Variants in SNRPA1 observed in about 807,000 individuals in gnomAD.
SNRPA1 encodes the protein U2 small nuclear ribonucleoprotein A'.
Under a neutral mutation model 32.3 loss-of-function variants are expected in SNRPA1, and 5 were observed. The observed-to-expected ratio is 0.15, with a 90% CI of 0.08 to 0.33. SNRPA1 has a LOEUF of 0.33. SNRPA1 is among the 10% of genes least tolerant of loss of function. The pLI is 1.00. For missense variants in SNRPA1, 198 were observed against 311.1 expected (o/e 0.64, Z 2.74); for synonymous variants, 111 against 120.1 (o/e 0.92, Z 0.50).
At chr15:101,285,105 A>C (rs1017084686) in intron 7 of SNRPA1, 45 bp from the exon 8 acceptor site, 5 of 1,352,926 alleles carry the variant, frequency 3.7e-6, no homozygotes, top group Non-Finnish European at 5.3e-6. Flanking sequence ...ACTTCAACCA[A>C]GTATCAGCTA....
At chr15:101,292,898 TAAAAAA>T in intron 2 of SNRPA1, 121 bp downstream of exon 2, 1 of 539,732 alleles carries the variant, frequency 1.9e-6, no homozygotes, top group Non-Finnish European at 3.0e-6. Flanking sequence ...AAAATATAAA[TAAAAAA>T]GAAAAAGAAA....
intron 5 of SNRPA1, 35 bp downstream of exon 5, chr15:101,286,873 C>G: frequency 2.7e-6 from 3 of 1,097,854 alleles, no homozygotes; most frequent in Non-Finnish European, 4.2e-6. Flanking sequence ...ACACACAACT[C>G]TATAATGGCT....
chr15:101,284,230 C>G (rs4965817), intron 8 of SNRPA1, among the ~76,000 whole-genome samples: 10,417 of 152,240 alleles, frequency 0.068, 736 homozygotes, highest in East Asian at 0.34. Flanking sequence ...TTGAGGTTTG[C>G]TACTATTGTT....
At chr15:101,289,004 A>G (rs75003262) in intron 3 of SNRPA1, among the ~76,000 whole-genome samples, 1 of 152,220 alleles carries the variant, frequency 6.6e-6, no homozygotes, top group Non-Finnish European at 1.5e-5. Flanking sequence ...AAGAGGCACA[A>G]TGAGAAAAAA....
At chr15:101,286,434 G>T in intron 5 of SNRPA1, 141 bp from the exon 6 acceptor site, 1 of 632,622 alleles carries the variant, frequency 1.6e-6, no homozygotes. Context: ...CAAATTAAGA[G>T]AAGACACAGT....
intron 1 of SNRPA1, 152 bp downstream of exon 1, chr15:101,294,945 G>C (rs960711631): frequency 2.0e-6 from 1 of 495,116 alleles, no homozygotes. Flanking sequence ...ACAACGGCAA[G>C]AATCAGGCCC....
At chr15:101,288,971 G>A (rs2039488401) in intron 3 of SNRPA1, among the ~76,000 whole-genome samples, 1 of 152,202 alleles carries the variant, frequency 6.6e-6, no homozygotes, top group African/African-American at 2.4e-5. Flanking sequence ...TGGGTAGATG[G>A]TGGGGAAGGG....
intron 8 of SNRPA1, among the ~76,000 whole-genome samples, chr15:101,283,199 C>A (rs200938899): frequency 6.6e-6 from 1 of 152,206 alleles, no homozygotes; most frequent in East Asian, 1.9e-4. Flanking sequence ...CCCACTATTG[C>A]TCCATCAGTG....
chr15:101,284,409 G>C (rs1190997845), intron 8 of SNRPA1, among the ~76,000 whole-genome samples: 2 of 152,072 alleles, frequency 1.3e-5, no homozygotes, highest in Admixed American at 6.6e-5. Flanking sequence ...CATGGCTATC[G>C]CTAGTGTTCG....
intron 1 of SNRPA1, 108 bp downstream of exon 1, chr15:101,294,989 C>A: frequency 4.5e-6 from 3 of 672,622 alleles, no homozygotes; most frequent in Non-Finnish European, 6.9e-6. Flanking sequence ...GGAGCCCAGA[C>A]AACCGGCCCG....
chr15:101,285,792 T>G lies in SNRPA1; in HGVS notation c.549A>C (p.Pro183=). The G allele has an allele frequency of 6.2e-7, 1 of 1,613,272 alleles. No homozygotes were observed. Among genetic ancestry groups the G allele is most frequent in the Non-Finnish European group, 8.5e-7 (1 of 1,179,528 alleles). Reference sequence around the variant, plus strand: ...TTTTGTCAGTTGGCAAACCAGCACCTGGATTAAAACTTAAGAGGGGGAAGA... The same window carrying G: ...TTTTGTCAGTTGGCAAACCAGCACCGGGATTAAAACTTAAGAGGGGGAAGA... ...DIARRSKTFN[P]GAGLPTDKKK... is the part of the protein sequence containing the mutation. The change falls in exon 7 of 9, where the codon CCA becomes CCC. Residue 183 remains proline, a synonymous_variant. Transcript: ENST00000254193.
At chr15:101,286,566 GA>G in intron 5 of SNRPA1, 2 of 484,214 alleles carry the variant, frequency 4.1e-6, no homozygotes, top group Non-Finnish European at 7.3e-6. Context: ...CTAATAAAGG[GA>G]AAAATCATCC....
chr15:101,284,566 G>C (rs537759685), intron 8 of SNRPA1, among the ~76,000 whole-genome samples: 8 of 149,582 alleles, frequency 5.3e-5, no homozygotes, highest in African/African-American at 1.5e-4. Flanking sequence ...ACAAAAGTGC[G>C]ATCTCGGCTC....
chr15:101,284,571 C>T (rs549520294), intron 8 of SNRPA1, among the ~76,000 whole-genome samples: 23 of 150,112 alleles, frequency 1.5e-4, no homozygotes, highest in African/African-American at 2.2e-4. Flanking sequence ...AGTGCGATCT[C>T]GGCTCACCAC....
At chr15:101,288,981 G>GGT (rs2039488826) in intron 3 of SNRPA1, among the ~76,000 whole-genome samples, 1 of 152,112 alleles carries the variant, frequency 6.6e-6, no homozygotes, top group Non-Finnish European at 1.5e-5. Context: ...GTGGGGAAGG[G>GGT]GTGTGTGTGT....
At chr15:101,282,953 T>C (rs1309715399) in intron 8 of SNRPA1, among the ~76,000 whole-genome samples, 1 of 151,770 alleles carries the variant, frequency 6.6e-6, no homozygotes, top group Non-Finnish European at 1.5e-5. Context: ...ACTGCACCAG[T>C]GCATGGAGAT....
At chr15:101,287,119 T>C (rs2039464000) in intron 4 of SNRPA1, 109 bp from the exon 5 acceptor site, 1 of 557,994 alleles carries the variant, frequency 1.8e-6, no homozygotes, top group Non-Finnish European at 3.2e-6. Flanking sequence ...TTCACATTCT[T>C]CACATTGCAA....
chr15:101,290,531 GA>G (rs1347267548), intron 3 of SNRPA1, among the ~76,000 whole-genome samples: 4 of 151,822 alleles, frequency 2.6e-5, no homozygotes, highest in South Asian at 4.2e-4. Flanking sequence ...CAACAATCAG[GA>G]AAATACGGGA....
intron 3 of SNRPA1, among the ~76,000 whole-genome samples, chr15:101,290,351 T>C (rs1790713096): frequency 6.6e-6 from 1 of 152,192 alleles, no homozygotes; most frequent in Non-Finnish European, 1.5e-5. Flanking sequence ...ACAGCACCTA[T>C]CATGAGACAC....
Sources: allele counts gnomAD v4.1 joint callset (sites outside exome capture counted in the v4.1 genomes callset), GRCh38; gene constraint gnomAD v4.1.1; transcripts MANE v1.5; gene names NCBI Gene and HGNC (gene_info 2026-07-23, HGNC 2026-07-21).